CERS3: variants seen among roughly 807,000 people sequenced by gnomAD.
CERS3 encodes LAG1 homolog, ceramide synthase 3.
Under a neutral mutation model 50.3 loss-of-function variants are expected in CERS3, and 33 were observed. That is an observed-to-expected ratio of 0.66 (90% CI 0.50 to 0.88). The LOEUF (loss-of-function observed/expected upper bound fraction) is 0.88. Ranked by LOEUF, CERS3 falls within the 40% of genes least tolerant of loss-of-function variation. CERS3 has a pLI of 0.00. For missense variants in CERS3, 470 were observed against 460.3 expected, an observed-to-expected ratio of 1.02 and a Z score of -0.19; for synonymous variants, 176 against 155.2, an observed-to-expected ratio of 1.13 and a Z score of -0.99.
intron 2 of CERS3, among the ~76,000 whole-genome samples, chr15:100,502,905 C>T (rs1227680704): frequency 6.6e-6 from 1 of 152,040 alleles, no homozygotes; most frequent in Non-Finnish European, 1.5e-5. Context: ...AGAAAAAGTC[C>T]TTGAGATATC....
intron 3 of CERS3, among the ~76,000 whole-genome samples, chr15:100,496,756 A>C (rs1254362746): frequency 6.6e-6 from 1 of 152,194 alleles, no homozygotes; most frequent in Admixed American, 6.5e-5. Context: ...CTGCCAGTCC[A>C]GTCAATTCTA....
intron 11 of CERS3, among the ~76,000 whole-genome samples, chr15:100,438,520 A>G (rs1298424414): frequency 6.6e-6 from 1 of 152,194 alleles, no homozygotes; most frequent in Non-Finnish European, 1.5e-5. Context: ...CCTTAACTCA[A>G]ATAAAGAATA....
intron 9 of CERS3, among the ~76,000 whole-genome samples, chr15:100,471,513 G>A (rs1485273192): frequency 1.3e-5 from 2 of 152,040 alleles, no homozygotes; most frequent in Non-Finnish European, 2.9e-5. Flanking sequence ...CACACCAAAG[G>A]CAATTGAATA....
intron 11 of CERS3, among the ~76,000 whole-genome samples, chr15:100,454,549 C>A (rs1424717975): frequency 1.3e-5 from 2 of 151,928 alleles, no homozygotes; most frequent in Non-Finnish European, 2.9e-5. Flanking sequence ...ATACAAAAAT[C>A]AACTCAACAC....
At chr15:100,458,842 T>C (rs2034460464) in intron 10 of CERS3, among the ~76,000 whole-genome samples, 1 of 152,178 alleles carries the variant, frequency 6.6e-6, no homozygotes, top group South Asian at 2.1e-4. Context: ...TGTACCCTAC[T>C]TTTTTCATGC....
chr15:100,503,231 A>G (rs569752269), intron 2 of CERS3, among the ~76,000 whole-genome samples: 2 of 152,336 alleles, frequency 1.3e-5, no homozygotes, highest in African/African-American at 4.8e-5. Flanking sequence ...ATAGAAAACT[A>G]CCAGTGGGTT....
chr15:100,520,355 C>T (rs1241417719), intron 2 of CERS3, among the ~76,000 whole-genome samples: 1 of 152,110 alleles, frequency 6.6e-6, no homozygotes, highest in African/African-American at 2.4e-5. Context: ...TAGGCCTGTC[C>T]ACAGGGCCTT....
intron 11 of CERS3, among the ~76,000 whole-genome samples, chr15:100,453,663 G>T (rs2034255982): frequency 6.6e-6 from 1 of 152,132 alleles, no homozygotes; most frequent in African/African-American, 2.4e-5. Context: ...AATCAGGCAA[G>T]AGACAAATAA....
chr15:100,434,782 T>C (rs1263627028), intron 11 of CERS3, among the ~76,000 whole-genome samples: 1 of 152,240 alleles, frequency 6.6e-6, no homozygotes, highest in Admixed American at 6.5e-5. Flanking sequence ...TGTGCCCCGG[T>C]CTAAAGTTCA....
At chr15:100,447,276 T>C (rs556543597) in intron 11 of CERS3, among the ~76,000 whole-genome samples, 2 of 152,352 alleles carry the variant, frequency 1.3e-5, no homozygotes, top group East Asian at 3.9e-4. Context: ...TGATTTCAGC[T>C]CTTATCTAAT....
At chr15:100,542,156 A>G (rs1471090629) in intron 1 of CERS3, among the ~76,000 whole-genome samples, 1 of 152,212 alleles carries the variant, frequency 6.6e-6, no homozygotes, top group Non-Finnish European at 1.5e-5. Context: ...TCTTTTATCA[A>G]AACTGAAATG....
At chr15:100,495,231 A>G (rs2035775153) in intron 3 of CERS3, among the ~76,000 whole-genome samples, 1 of 152,164 alleles carries the variant, frequency 6.6e-6, no homozygotes, top group Non-Finnish European at 1.5e-5. Flanking sequence ...TTCCACTGTA[A>G]TTGTGGGCCA....
chr15:100,497,888 CACACACA>C (rs1384014347), intron 3 of CERS3, among the ~76,000 whole-genome samples: 1,323 of 67,030 alleles, frequency 0.02, 36 homozygotes, highest in African/African-American at 0.078. Context: ...CACACACACA[CACACACA>C]CTTTTTTTTT....
chr15:100,456,317 G>T (rs1402442346), intron 10 of CERS3, among the ~76,000 whole-genome samples: 1 of 152,108 alleles, frequency 6.6e-6, no homozygotes, highest in Non-Finnish European at 1.5e-5. Context: ...CTGTACCTTG[G>T]TTTCCTTTTT....
intron 11 of CERS3, among the ~76,000 whole-genome samples, chr15:100,433,649 C>A (rs377160586): frequency 6.6e-6 from 1 of 152,198 alleles, no homozygotes; most frequent in Non-Finnish European, 1.5e-5. Flanking sequence ...CCCAGCTACC[C>A]TCACTCCCTC....
chr15:100,514,978 G>A (rs747165781), intron 2 of CERS3, among the ~76,000 whole-genome samples: 17 of 152,096 alleles, frequency 1.1e-4, no homozygotes, highest in South Asian at 4.1e-4. Context: ...CTAGCCCAGC[G>A]CTATAGATAT....
At chr15:100,467,806 T>TATAC (rs2034807068) in intron 10 of CERS3, among the ~76,000 whole-genome samples, 12 of 131,668 alleles carry the variant, frequency 9.1e-5, no homozygotes, top group South Asian at 2.5e-4. Context: ...TATATATATA[T>TATAC]ACGTCTATAT....
chr15:100,512,595 T>A (rs995500861), intron 2 of CERS3, among the ~76,000 whole-genome samples: 2 of 152,170 alleles, frequency 1.3e-5, no homozygotes, highest in African/African-American at 4.8e-5. Flanking sequence ...GTGCTCAATA[T>A]CCCAGAGGTG....
intron 1 of CERS3, among the ~76,000 whole-genome samples, chr15:100,542,694 T>C (rs9788752): frequency 0.54 from 82,165 of 151,932 alleles, 22,451 homozygotes; most frequent in Admixed American, 0.62. Flanking sequence ...CGAATTTGTC[T>C]TGGTTCAAAC....
Sources: gnomAD v4.1 joint callset for allele counts (sites outside exome capture counted in the v4.1 genomes callset) on GRCh38, gnomAD v4.1.1 for gene constraint, MANE v1.5 for transcripts, NCBI Gene and HGNC (gene_info 2026-07-23, HGNC 2026-07-21) for gene names.